Variants in LRRIQ1 observed in about 807,000 individuals in gnomAD.
LRRIQ1 encodes the protein leucine-rich repeat- and IQ domain-containing protein 1.
Under a neutral mutation model 211.9 loss-of-function variants are expected in LRRIQ1, and 210 were observed. That is an observed-to-expected ratio of 0.99 (90% CI 0.89 to 1.11). LRRIQ1 has a LOEUF of 1.11. Ranked by LOEUF, LRRIQ1 falls within the 50% of genes most tolerant of loss-of-function variation. LRRIQ1 has a pLI of 0.00. For missense variants in LRRIQ1, 2,136 were observed against 1,939.5 expected (o/e 1.10, Z -1.90); for synonymous variants, 699 against 650.1 (o/e 1.08, Z -1.14).
At chr12:85,062,987 A>G (rs1882015742) in intron 8 of LRRIQ1, among the ~76,000 whole-genome samples, 2 of 151,692 alleles carry the variant, frequency 1.3e-5, no homozygotes, top group Admixed American at 1.3e-4. Flanking sequence ...TTTGTTGGCC[A>G]CGTGTATGTC....
intron 1 of LRRIQ1, among the ~76,000 whole-genome samples, chr12:85,037,814 A>G (rs1878340087): frequency 6.6e-6 from 1 of 152,124 alleles, no homozygotes; most frequent in South Asian, 2.1e-4. Context: ...ACAACAACAC[A>G]TATTACATTG....
chr12:85,109,825 G>A (rs1475491812), intron 15 of LRRIQ1, among the ~76,000 whole-genome samples: 1 of 152,108 alleles, frequency 6.6e-6, no homozygotes, highest in East Asian at 1.9e-4. Flanking sequence ...TCCTGGACAA[G>A]TAACTTAATT....
chr12:85,241,620 A>G (rs756602696), intron 26 of LRRIQ1, among the ~76,000 whole-genome samples: 1 of 151,984 alleles, frequency 6.6e-6, no homozygotes, highest in East Asian at 1.9e-4. Flanking sequence ...TATATCATTT[A>G]TGTTAATTTT....
At chr12:85,230,744 G>A (rs1279760047) in intron 25 of LRRIQ1, among the ~76,000 whole-genome samples, 5 of 152,138 alleles carry the variant, frequency 3.3e-5, no homozygotes, top group African/African-American at 1.2e-4. Context: ...TGTTATTATA[G>A]GCATTTATTA....
intron 11 of LRRIQ1, among the ~76,000 whole-genome samples, chr12:85,087,004 T>C (rs929765729): frequency 6.6e-6 from 1 of 151,950 alleles, no homozygotes; most frequent in African/African-American, 2.4e-5. Context: ...GCAGGTTTGT[T>C]ACATATGTAT....
chr12:85,239,412 T>A (rs1358371150), intron 26 of LRRIQ1, among the ~76,000 whole-genome samples: 3 of 151,230 alleles, frequency 2.0e-5, no homozygotes, highest in South Asian at 2.1e-4. Flanking sequence ...CACACATATA[T>A]GTATGTATAT....
At chr12:85,182,365 A>G (rs1286999725) in intron 24 of LRRIQ1, among the ~76,000 whole-genome samples, 2 of 152,146 alleles carry the variant, frequency 1.3e-5, no homozygotes. Context: ...TTAGAAGGAG[A>G]GTAGACCCTT....
intron 24 of LRRIQ1, among the ~76,000 whole-genome samples, chr12:85,167,916 A>G (rs1442502543): frequency 3.3e-5 from 5 of 152,222 alleles, no homozygotes; most frequent in African/African-American, 9.6e-5. Flanking sequence ...TCGGAAGTGC[A>G]CTAATCCTTA....
At chr12:85,078,546 T>A (rs1883923860) in intron 11 of LRRIQ1, among the ~76,000 whole-genome samples, 1 of 152,112 alleles carries the variant, frequency 6.6e-6, no homozygotes, top group Non-Finnish European at 1.5e-5. Context: ...AGTTCAATCT[T>A]TTTATTCTTA....
At chr12:85,152,221 A>G in intron 19 of LRRIQ1, 59 bp from the exon 20 acceptor site, 1 of 1,417,002 alleles carries the variant, frequency 7.1e-7, no homozygotes, top group South Asian at 1.3e-5. Context: ...ATGAATTAAA[A>G]GAAACATTGT....
At chr12:85,072,076 A>G (rs1883144634) in intron 10 of LRRIQ1, among the ~76,000 whole-genome samples, 1 of 151,962 alleles carries the variant, frequency 6.6e-6, no homozygotes, top group Non-Finnish European at 1.5e-5. Flanking sequence ...ATTATTTTTA[A>G]ATTTTTTCAA....
intron 25 of LRRIQ1, among the ~76,000 whole-genome samples, chr12:85,230,850 C>T (rs1894901724): frequency 6.6e-6 from 1 of 151,880 alleles, no homozygotes; most frequent in Non-Finnish European, 1.5e-5. Flanking sequence ...GAGATCGAAA[C>T]CATCCTGGCT....
intron 8 of LRRIQ1, among the ~76,000 whole-genome samples, chr12:85,061,606 A>G (rs1881814654): frequency 6.6e-6 from 1 of 151,788 alleles, no homozygotes; most frequent in South Asian, 2.1e-4. Context: ...CACACTGAAT[A>G]ATATAAATTA....
chr12:85,143,154 CAT>C (rs1214262182), intron 19 of LRRIQ1, among the ~76,000 whole-genome samples: 2 of 151,592 alleles, frequency 1.3e-5, no homozygotes, highest in East Asian at 1.9e-4. Context: ...GCTATTTTAA[CAT>C]GTGTGAGGTG....
chr12:85,101,502 T>G (rs1886343949), intron 13 of LRRIQ1, among the ~76,000 whole-genome samples: 1 of 151,832 alleles, frequency 6.6e-6, no homozygotes, highest in Non-Finnish European at 1.5e-5. Context: ...AATTTATATC[T>G]TTTTAATGCC....
intron 24 of LRRIQ1, among the ~76,000 whole-genome samples, chr12:85,183,582 A>T (rs868583388): frequency 6.6e-6 from 1 of 152,116 alleles, no homozygotes; most frequent in Non-Finnish European, 1.5e-5. Flanking sequence ...AGAAAATATC[A>T]TGGGCTTATG....
chr12:85,194,789 A>G (rs1422659526), intron 24 of LRRIQ1, among the ~76,000 whole-genome samples: 1 of 152,134 alleles, frequency 6.6e-6, no homozygotes, highest in African/African-American at 2.4e-5. Context: ...AAACACATTC[A>G]AAAGCTAGCA....
chr12:85,099,654 C>A (rs1431558135), intron 13 of LRRIQ1, among the ~76,000 whole-genome samples: 1 of 151,726 alleles, frequency 6.6e-6, no homozygotes, highest in African/African-American at 2.4e-5. Context: ...TGATTAATTT[C>A]TTCATCAAAG....
chr12:85,066,063 A>G lies in LRRIQ1; in HGVS notation c.2544+649A>G, dbSNP rs538369534. 3.9e-4 allele frequency among the ~76,000 whole-genome samples: 59 copies of G among 151,994 alleles called. No homozygotes were observed. In the South Asian group the frequency reaches 0.012, roughly 32 times the overall value. ...TTGGCTAAGCCCTGAGGTCATGTGG[A>G]AGGGGACCATATGGATATGCGAATA... On this transcript the variant is annotated intron_variant, in intron 9 of 26. Transcript: ENST00000393217.
Sources: gnomAD v4.1 joint callset for allele counts (sites outside exome capture counted in the v4.1 genomes callset) on GRCh38, gnomAD v4.1.1 for gene constraint, MANE v1.5 for transcripts, NCBI Gene and HGNC (gene_info 2026-07-23, HGNC 2026-07-21) for gene names.